Variants in IFT74 observed in about 807,000 individuals in gnomAD.
The protein encoded by IFT74 is intraflagellar transport 74, also known as intraflagellar transport protein 74 homolog.
In IFT74, 92 loss-of-function variants were observed where a neutral mutation model predicts 96.7. The observed-to-expected ratio is 0.95, with a 90% CI of 0.80 to 1.13. The LOEUF is 1.13. Ranked by LOEUF, IFT74 falls within the 50% of genes most tolerant of loss-of-function variation. The probability of loss-of-function intolerance (pLI) is 0.00; values close to 1 mark genes in which losing one functional copy is unlikely to be tolerated. For missense variants in IFT74, 811 were observed against 698.2 expected, an observed-to-expected ratio of 1.16 and a Z score of -1.82; for synonymous variants, 223 against 213.2, an observed-to-expected ratio of 1.05 and a Z score of -0.40.
chr9:27,012,054 T>TAA (rs1829106901), intron 10 of IFT74, 86 bp downstream of exon 10: 10 of 780,054 alleles, frequency 1.3e-5, no homozygotes, highest in Non-Finnish European at 1.8e-5. Flanking sequence ...CTAATTCAAC[T>TAA]ACATATTGAT....
chr9:27,051,658 A>G (rs1329749190), intron 16 of IFT74, among the ~76,000 whole-genome samples: 1 of 152,270 alleles, frequency 6.6e-6, no homozygotes, highest in Non-Finnish European at 1.5e-5. Flanking sequence ...ATTACCTCAT[A>G]TAAATGAAGT....
At chr9:27,003,740 C>T (rs1338738189) in intron 8 of IFT74, among the ~76,000 whole-genome samples, 1 of 152,186 alleles carries the variant, frequency 6.6e-6, no homozygotes, top group African/African-American at 2.4e-5. Flanking sequence ...AAAAGCTACT[C>T]TGCCTCCTAT....
intron 2 of IFT74, among the ~76,000 whole-genome samples, chr9:26,974,397 T>C (rs1827010315): frequency 6.6e-6 from 1 of 152,172 alleles, no homozygotes; most frequent in Non-Finnish European, 1.5e-5. Flanking sequence ...CCCAAGGGGA[T>C]CTTCCAAATT....
At position 27,017,214 on chromosome 9, in the gene IFT74, T is replaced by TTTA. The variant is rs559691910; in HGVS notation, c.933+185_933+187dup. Among the ~76,000 whole-genome samples, 717 of 151,666 alleles carry TTTA rather than the reference T, an allele frequency of 4.7e-3. 3 individuals carry two copies. The highest frequency in any genetic ancestry group is 0.014 in the Middle Eastern group (4 of 292). On this transcript the variant is annotated intron_variant, in intron 11 of 19. Coordinates refer to ENST00000380062, the MANE Select transcript of IFT74 (RefSeq NM_025103.4). ...TTTTTAATCTAGATTTTCTTCCTCT[T>TTTA]TTATTATTATTATTATTATTATTTT...
chr9:27,036,872 G>A (rs1350036405), intron 13 of IFT74: 1 of 996,642 alleles, frequency 1.0e-6, no homozygotes, highest in Non-Finnish European at 1.2e-6. Flanking sequence ...GGAAGTTTTA[G>A]TGCTGCCCCT....
At chr9:26,997,996 G>A (rs575248138) in intron 8 of IFT74, 3 of 1,613,816 alleles carry the variant, frequency 1.9e-6, no homozygotes, top group Non-Finnish European at 1.7e-6. Context: ...GAATTACATA[G>A]ATGGAGTTTC....
chr9:27,050,710 G>A (rs1819882951), intron 16 of IFT74, among the ~76,000 whole-genome samples: 1 of 139,270 alleles, frequency 7.2e-6, no homozygotes. Flanking sequence ...ACAGGAAGGG[G>A]GACATCACAC....
Position 27,062,963 on chromosome 9 carries a change from A to T in IFT74, c.*227A>T. ...CTTCTTTTCTTTTTATGCTACTTGT[A>T]TTTGAACCAAGAGATAAAGAAACTA... is the stretch of plus-strand genomic sequence containing the variant. On this transcript the variant is annotated 3_prime_UTR_variant, in exon 20 of 20. Transcript: ENST00000380062. The T allele has an allele frequency of 2.3e-6, 1 of 434,694 alleles. No individual in the cohort carries two copies. The highest frequency in any genetic ancestry group is 2.1e-5 in the African/African-American group (1 of 47,946). 26.9% of individuals were successfully genotyped at this position (434,694 alleles called of 1,614,324 possible). A position where few individuals can be genotyped will look rare whatever the true frequency, so the allele number is the denominator to read the frequency against.
Position 26,984,477 on chromosome 9 carries a change from T to G in IFT74, c.405-22T>G, listed in dbSNP as rs1334937723. On this transcript the variant is annotated intron_variant, in intron 5 of 19. Coordinates refer to ENST00000380062, the MANE Select transcript of IFT74 (RefSeq NM_025103.4). ...ATATTTTTATGTACATATTTATGAA[T>G]GTATTTATTTTATGCTTTCAGGGCT... 6 of 1,602,180 alleles carry G rather than the reference T, an allele frequency of 3.7e-6. No homozygotes were observed. The Admixed American group carries it at 1.0e-4, about 27-fold the overall frequency.
intron 13 of IFT74, among the ~76,000 whole-genome samples, chr9:27,036,278 A>ATT (rs1819176558): frequency 1.3e-5 from 2 of 152,138 alleles, no homozygotes; most frequent in South Asian, 4.1e-4. Context: ...ACCAAGTTCA[A>ATT]ACCTCTGTTT....
At chr9:26,971,485 T>A (rs1186435671) in intron 2 of IFT74, among the ~76,000 whole-genome samples, 7 of 152,180 alleles carry the variant, frequency 4.6e-5, no homozygotes, top group Non-Finnish European at 8.8e-5. Context: ...TCTGGTAATA[T>A]CCATTTTCCT....
intron 13 of IFT74, among the ~76,000 whole-genome samples, chr9:27,031,461 C>G (rs140605479): frequency 0.01 from 1,564 of 150,282 alleles, 36 homozygotes; most frequent in African/African-American, 0.036. Context: ...AGCGAGACTC[C>G]GTCTTAAAAA....
chr9:26,963,065 G>A (rs904360485), intron 2 of IFT74, among the ~76,000 whole-genome samples: 5 of 151,530 alleles, frequency 3.3e-5, no homozygotes, highest in Admixed American at 2.0e-4. Flanking sequence ...CCACTAACTC[G>A]TCATCTAGCA....
At chr9:27,053,282 A>G (rs1420825962) in intron 16 of IFT74, among the ~76,000 whole-genome samples, 2 of 149,578 alleles carry the variant, frequency 1.3e-5, no homozygotes, top group African/African-American at 4.9e-5. Context: ...TACACACCAC[A>G]TGGGTGATGT....
In IFT74 at chr9:26,998,060, A is replaced by G. The variant is rs1232589422; in HGVS notation, c.587+7865A>G. The G allele has an allele frequency of 3.7e-6, 6 of 1,613,180 alleles. No homozygotes were observed. Among genetic ancestry groups the G allele is most frequent in the East Asian group, 2.2e-5 (1 of 44,800 alleles). On this transcript the variant is annotated intron_variant, in intron 8 of 19. Transcript: ENST00000380062. ...GAGGTTACCAAAACCGTTATTATGT[A>G]AGATAGTAACCTTGTTCTCAATCAA...
At chr9:26,983,218 G>T (rs1827464688) in intron 4 of IFT74, among the ~76,000 whole-genome samples, 2 of 152,162 alleles carry the variant, frequency 1.3e-5, no homozygotes, top group South Asian at 4.1e-4. Context: ...AAGAAAGATA[G>T]TAAGGCCATC....
At chr9:27,008,831 G>A (rs1404348273) in intron 8 of IFT74, among the ~76,000 whole-genome samples, 189 bp from the exon 9 acceptor site, 1 of 152,124 alleles carries the variant, frequency 6.6e-6, no homozygotes, top group African/African-American at 2.4e-5. Context: ...AAATAAGTTT[G>A]TGCTAATGGG....
intron 12 of IFT74, among the ~76,000 whole-genome samples, chr9:27,028,066 T>C (rs1407501629): frequency 1.3e-5 from 2 of 152,200 alleles, no homozygotes; most frequent in Non-Finnish European, 2.9e-5. Flanking sequence ...TCTTTCCCCA[T>C]TTAATTACCT....
At chr9:27,023,415 A>G (rs1829708518) in intron 12 of IFT74, among the ~76,000 whole-genome samples, 1 of 152,166 alleles carries the variant, frequency 6.6e-6, no homozygotes, top group Non-Finnish European at 1.5e-5. Context: ...TATTGAGATG[A>G]TCATATGAGT....
Sources: gnomAD v4.1 joint callset for allele counts (sites outside exome capture counted in the v4.1 genomes callset) on GRCh38, gnomAD v4.1.1 for gene constraint, MANE v1.5 for transcripts, NCBI Gene and HGNC (gene_info 2026-07-23, HGNC 2026-07-21) for gene names.